Variants in MARCHF10 observed in about 807,000 individuals in gnomAD.
MARCHF10 encodes the protein probable E3 ubiquitin-protein ligase MARCHF10.
A neutral mutation model predicts 76.2 loss-of-function variants in MARCHF10; 64 were observed. The ratio of observed to expected loss-of-function variants is 0.84; its 90% CI spans 0.69 to 1.03. The LOEUF (loss-of-function observed/expected upper bound fraction) is 1.03. MARCHF10 is among the 50% of genes least tolerant of loss of function. The pLI is 0.00. For synonymous variants in MARCHF10, 340 were observed against 357.5 expected, an observed-to-expected ratio of 0.95 and a Z score of 0.55; for missense variants, 875 against 958.0, an observed-to-expected ratio of 0.91 and a Z score of 1.14.
chr17:62,778,809 G>A (rs541257250), intron 3 of MARCHF10, among the ~76,000 whole-genome samples: 1 of 152,140 alleles, frequency 6.6e-6, no homozygotes, highest in Non-Finnish European at 1.5e-5. Context: ...CTGGAAGTAG[G>A]AGGAGGAGCA....
intron 10 of MARCHF10, chr17:62,705,292 T>C: frequency 7.0e-7 from 1 of 1,438,760 alleles, no homozygotes; most frequent in African/African-American, 1.4e-5. Flanking sequence ...GATAACCTCT[T>C]CCCTTTGTTG....
rs756636028 is a variant in MARCHF10 at position 62,724,889 on chromosome 17, T to TG, written c.2104+48dup. 5.0e-6 allele frequency: 8 copies of TG among 1,601,052 alleles called. No individual in the cohort carries two copies. In the East Asian group the frequency reaches 1.8e-4, roughly 36 times the overall value. On this transcript the variant is annotated intron_variant, in intron 7 of 10. Coordinates refer to ENST00000311269, the MANE Select transcript of MARCHF10 (RefSeq NM_152598.4). ...CCGGGGCCCACACCGTGGTGCCTCA[T>TG]GTTAATTACATGTCGTGGCACGTTC...
chr17:62,770,450 T>C (rs892885001), intron 3 of MARCHF10, among the ~76,000 whole-genome samples: 5 of 152,230 alleles, frequency 3.3e-5, no homozygotes, highest in Non-Finnish European at 5.9e-5. Flanking sequence ...TCTAAACTGC[T>C]TTCCACAGTG....
At chr17:62,746,079 T>A (rs2091693251) in intron 4 of MARCHF10, among the ~76,000 whole-genome samples, 1 of 152,240 alleles carries the variant, frequency 6.6e-6, no homozygotes, top group African/African-American at 2.4e-5. Flanking sequence ...GAGTGTAAGT[T>A]GTAGTCGTGT....
At chr17:62,790,487 T>C (rs1045052455) in intron 2 of MARCHF10, among the ~76,000 whole-genome samples, 9 of 152,214 alleles carry the variant, frequency 5.9e-5, no homozygotes, top group Admixed American at 2.6e-4. Flanking sequence ...AGTAAAACTT[T>C]TTTGGAATGT....
intron 4 of MARCHF10, among the ~76,000 whole-genome samples, chr17:62,745,657 C>T (rs2091679517): frequency 6.6e-6 from 1 of 152,226 alleles, no homozygotes; most frequent in Non-Finnish European, 1.5e-5. Context: ...CTACCCTCCA[C>T]TGTGTTGGGA....
intron 9 of MARCHF10, among the ~76,000 whole-genome samples, chr17:62,710,550 C>CT (rs552647502): frequency 0.024 from 2,151 of 88,588 alleles, 189 homozygotes; most frequent in African/African-American, 0.039. Flanking sequence ...TTGAACCCAG[C>CT]TTTTTTTTTT....
chr17:62,800,472 G>A (rs2093053374), intron 2 of MARCHF10, among the ~76,000 whole-genome samples: 1 of 152,158 alleles, frequency 6.6e-6, no homozygotes, highest in African/African-American at 2.4e-5. Flanking sequence ...ACGTGGGTTG[G>A]CACGTTGTGG....
At chr17:62,798,067 G>C (rs2093013912) in intron 2 of MARCHF10, among the ~76,000 whole-genome samples, 1 of 152,176 alleles carries the variant, frequency 6.6e-6, no homozygotes, top group Non-Finnish European at 1.5e-5. Context: ...CATCCAGGTA[G>C]ACATAGCCAA....
At chr17:62,722,965 T>C (rs769541836) in intron 7 of MARCHF10, among the ~76,000 whole-genome samples, 1 of 151,764 alleles carries the variant, frequency 6.6e-6, no homozygotes, top group African/African-American at 2.4e-5. Context: ...TTTTTTTTTT[T>C]ATTGTAGACC....
At chr17:62,732,554 C>T (rs2091070298) in intron 6 of MARCHF10, among the ~76,000 whole-genome samples, 1 of 152,156 alleles carries the variant, frequency 6.6e-6, no homozygotes, top group Non-Finnish European at 1.5e-5. Flanking sequence ...GATTAAGAAC[C>T]ACTTCACATT....
chr17:62,726,369 C>G (rs982478453), intron 6 of MARCHF10, among the ~76,000 whole-genome samples: 1 of 152,158 alleles, frequency 6.6e-6, no homozygotes, highest in Non-Finnish European at 1.5e-5. Context: ...TGCTCAATTT[C>G]TTGAAAGACT....
intron 2 of MARCHF10, among the ~76,000 whole-genome samples, chr17:62,791,918 C>G (rs2092850072): frequency 1.3e-5 from 2 of 152,112 alleles, no homozygotes; most frequent in Admixed American, 1.3e-4. Context: ...TAATTCATAA[C>G]CAATAGCGGC....
intron 2 of MARCHF10, among the ~76,000 whole-genome samples, chr17:62,800,779 C>T (rs1036643268): frequency 5.9e-5 from 9 of 152,228 alleles, no homozygotes; most frequent in African/African-American, 2.2e-4. Context: ...ACAACCTAGT[C>T]TGGCAAGTTT....
chr17:62,770,336 A>G (rs9915831), intron 3 of MARCHF10, among the ~76,000 whole-genome samples: 102,663 of 152,076 alleles, frequency 0.68, 35,440 homozygotes, highest in African/African-American at 0.83. Context: ...ACATACATAT[A>G]CATGTGTCTT....
At chr17:62,792,830 TGC>T (rs2092884550) in intron 2 of MARCHF10, among the ~76,000 whole-genome samples, 1 of 27,726 alleles carries the variant, frequency 3.6e-5, no homozygotes, top group Non-Finnish European at 7.1e-5. Flanking sequence ...CCACCTCCAC[TGC>T]CACCACCACC....
chr17:62,759,939 T>G lies in MARCHF10; in HGVS notation c.278A>C (p.Asp93Ala). 1 of 1,613,956 alleles carries G rather than the reference T, an allele frequency of 6.2e-7. No individual in the cohort carries two copies. Among genetic ancestry groups the G allele is most frequent in the Non-Finnish European group, 8.5e-7 (1 of 1,179,936 alleles). The change falls in exon 4 of 11, where the codon GAC becomes GCC. Residue 93 changes from aspartate to alanine, a missense_variant. Transcript: ENST00000311269. ...SSIKISAFKC[D>A]SKLPAIDQTS... ...TTGGTCAATTGCTGGAAGTTTGGAG[T>G]CACACTTAAATGCAGATATCTTGAT... is the stretch of plus-strand genomic sequence containing the variant.
chr17:62,747,298 GTTAT>G (rs1281268442), intron 4 of MARCHF10, among the ~76,000 whole-genome samples: 2 of 152,162 alleles, frequency 1.3e-5, no homozygotes, highest in East Asian at 3.8e-4. Context: ...AAGATAAAAG[GTTAT>G]TTAATTTGTT....
chr17:62,806,438 T>C (rs918957401), intron 1 of MARCHF10: 4 of 152,240 alleles, frequency 2.6e-5, no homozygotes, highest in Non-Finnish European at 5.9e-5. Context: ...ACCTTTGAAC[T>C]GCTTCTTAAT....
Sources: gnomAD v4.1 joint callset for allele counts (sites outside exome capture counted in the v4.1 genomes callset) on GRCh38, gnomAD v4.1.1 for gene constraint, MANE v1.5 for transcripts, NCBI Gene and HGNC (gene_info 2026-07-23, HGNC 2026-07-21) for gene names.